The following VPS13D variants were observed in gnomAD, a reference collection of about 807,000 sequenced individuals.
VPS13D encodes vacuolar protein sorting 13 homolog D, also known as intermembrane lipid transfer protein VPS13D.
Under a neutral mutation model 461.9 loss-of-function variants are expected in VPS13D, and 187 were observed. The ratio of observed to expected loss-of-function variants is 0.40; its 90% CI spans 0.36 to 0.46. VPS13D has a LOEUF of 0.46. VPS13D is among the 20% of genes least tolerant of loss of function. VPS13D has a pLI of 0.60. For missense variants in VPS13D, 4,711 were observed against 5,364.9 expected, an observed-to-expected ratio of 0.88 and a Z score of 3.81; for synonymous variants, 1,951 against 1,986.3, an observed-to-expected ratio of 0.98 and a Z score of 0.47.
rs746562685 is a variant in VPS13D at position 12,508,922 on chromosome 1, C to T, written c.13065C>T (p.Val4355=). The part of the protein sequence containing the change: ...MVHVKSEVLA[V]KLSQEINYAK... ...ATGTGAAATCTGAGGTCCTTGCTGTCAAGTTGTCACAAGAAATAAACTACG... is the reference window on the plus strand; with the variant it reads ...ATGTGAAATCTGAGGTCCTTGCTGTTAAGTTGTCACAAGAAATAAACTACG... The change falls in exon 70 of 70, where the codon GTC becomes GTT. Residue 4355 remains valine, a synonymous_variant. Coordinates refer to ENST00000620676, the MANE Select transcript of VPS13D (RefSeq NM_015378.4). 9 of 1,614,162 alleles carry T rather than the reference C, an allele frequency of 5.6e-6. No individual in the cohort carries two copies. The South Asian group carries it at 9.9e-5, about 18-fold the overall frequency.
intron 21 of VPS13D, among the ~76,000 whole-genome samples, chr1:12,286,819 C>T (rs1488913640): frequency 1.3e-5 from 2 of 152,160 alleles, no homozygotes; most frequent in South Asian, 2.1e-4. Context: ...ACCCAGTGTA[C>T]ATGTTCTTTT....
At chr1:12,301,112 A>G (rs1642411658) in intron 25 of VPS13D, among the ~76,000 whole-genome samples, 1 of 152,232 alleles carries the variant, frequency 6.6e-6, no homozygotes, top group South Asian at 2.1e-4. Flanking sequence ...TGCTTATTAT[A>G]CATCAGCCAG....
At chr1:12,428,913 A>G (rs1002570299) in intron 65 of VPS13D, among the ~76,000 whole-genome samples, 1 of 152,224 alleles carries the variant, frequency 6.6e-6, no homozygotes, top group African/African-American at 2.4e-5. Context: ...TCCAGAGGAA[A>G]TAAGTATTGC....
chr1:12,296,490 C>A (rs568953495), intron 24 of VPS13D, among the ~76,000 whole-genome samples: 1 of 152,114 alleles, frequency 6.6e-6, no homozygotes, highest in Non-Finnish European at 1.5e-5. Flanking sequence ...TTTTTCCTAG[C>A]CTTTTTTAGA....
At position 12,299,262 on chromosome 1, in the gene VPS13D, G is replaced by A. The variant is rs749033141; in HGVS notation, c.6094G>A (p.Val2032Ile). Residue 2032 changes from valine to isoleucine, a missense_variant, in exon 25 of 70, where the codon GTT (valine) becomes ATT (isoleucine). Transcript: ENST00000620676. This position sits in a 1 kb window ranked among gnomAD's most constrained non-coding sequence, Gnocchi z 4.2. ...CCTGGATATTGAGGCTGGTGCTCCC[G>A]TTCTCTTGATCCCAGAAAGTTCCAG... ...VLLDIEAGAP[V>I]LLIPESSRSN... The A allele has an allele frequency of 8.1e-6, 13 of 1,613,738 alleles. No individual in the cohort carries two copies. Among genetic ancestry groups the A allele is most frequent in the Admixed American group, 6.7e-5 (4 of 59,858 alleles).
chr1:12,314,420 G>T, intron 30 of VPS13D, 93 bp downstream of exon 30: 1 of 1,220,060 alleles, frequency 8.2e-7, no homozygotes, highest in Non-Finnish European at 1.2e-6. Flanking sequence ...AAAAACCAAG[G>T]AATCACTAGA....
At chr1:12,242,071 TAA>T (rs539184850) in intron 2 of VPS13D, among the ~76,000 whole-genome samples, 4 of 142,910 alleles carry the variant, frequency 2.8e-5, no homozygotes, top group Non-Finnish European at 6.2e-5. Context: ...TAAAGGTTGA[TAA>T]AAAAAAAAAG....
chr1:12,344,507 G>C (rs987323199), intron 42 of VPS13D, among the ~76,000 whole-genome samples: 3 of 152,192 alleles, frequency 2.0e-5, no homozygotes, highest in African/African-American at 4.8e-5. Context: ...GGTCCCCACA[G>C]TTCTTGGAGA....
intron 60 of VPS13D, among the ~76,000 whole-genome samples, chr1:12,391,869 AT>A (rs1465989504): frequency 6.6e-6 from 1 of 151,638 alleles, no homozygotes; most frequent in Admixed American, 6.6e-5. Flanking sequence ...TTTTTTAAAT[AT>A]TTTTTTTGAG....
chr1:12,472,539 C>T (rs1204257946), intron 67 of VPS13D, among the ~76,000 whole-genome samples: 1 of 152,152 alleles, frequency 6.6e-6, no homozygotes, highest in Non-Finnish European at 1.5e-5. Context: ...TTGTGGCTTC[C>T]ACTCCCTCAA....
intron 46 of VPS13D, among the ~76,000 whole-genome samples, chr1:12,350,696 A>G (rs931617084): frequency 1.3e-5 from 2 of 152,198 alleles, no homozygotes; most frequent in Non-Finnish European, 2.9e-5. Context: ...ATTCAAAACA[A>G]ATAGGAAAAG....
At chr1:12,258,222 T>C in intron 10 of VPS13D, 119 bp downstream of exon 10, 2 of 1,268,854 alleles carry the variant, frequency 1.6e-6, no homozygotes, top group Non-Finnish European at 2.2e-6. Flanking sequence ...GGGCTAAATT[T>C]TATAGGATAG....
intron 65 of VPS13D, among the ~76,000 whole-genome samples, chr1:12,421,115 T>A (rs1269689748): frequency 6.6e-6 from 1 of 152,240 alleles, no homozygotes; most frequent in Non-Finnish European, 1.5e-5. Context: ...ATCTCAGTTA[T>A]TTCTCTTTGC....
At chr1:12,304,403 A>G (rs2101472752) in intron 25 of VPS13D, 103 bp from the exon 26 acceptor site, 1 of 1,055,878 alleles carries the variant, frequency 9.5e-7, no homozygotes, top group East Asian at 2.6e-5. Context: ...TGAAGACCCT[A>G]GGGACTGGGA....
intron 65 of VPS13D, among the ~76,000 whole-genome samples, chr1:12,452,873 G>C (rs1645280144): frequency 6.6e-6 from 1 of 152,238 alleles, no homozygotes; most frequent in African/African-American, 2.4e-5. Context: ...ATGGTTGACT[G>C]TTAACAAGTG....
At chr1:12,248,132 G>A (rs1640619511) in intron 5 of VPS13D, among the ~76,000 whole-genome samples, 1 of 151,698 alleles carries the variant, frequency 6.6e-6, no homozygotes, top group Non-Finnish European at 1.5e-5. Flanking sequence ...CAGGTGATCC[G>A]ACTGCCTCGG....
At chr1:12,382,298 C>A (rs1644293584) in intron 57 of VPS13D, among the ~76,000 whole-genome samples, 1 of 152,044 alleles carries the variant, frequency 6.6e-6, no homozygotes, top group Admixed American at 6.6e-5. Context: ...GATAGGGTTT[C>A]ACCATGTTGA....
chr1:12,248,819 T>C (rs1394858069), intron 5 of VPS13D, among the ~76,000 whole-genome samples: 1 of 152,146 alleles, frequency 6.6e-6, no homozygotes, highest in Non-Finnish European at 1.5e-5. Flanking sequence ...AGAGGAACAA[T>C]TGTCTGTATA....
intron 17 of VPS13D, among the ~76,000 whole-genome samples, chr1:12,271,669 AAAG>A (rs1371429632): frequency 3.3e-5 from 5 of 151,416 alleles, no homozygotes; most frequent in African/African-American, 1.2e-4. Flanking sequence ...ACTGTCTCAA[AAAG>A]AAGAAGAAAA....
Sources: gnomAD v4.1 joint callset for allele counts (sites outside exome capture counted in the v4.1 genomes callset) on GRCh38, gnomAD v4.1.1 for gene constraint, Gnocchi (gnomAD v3.1) non-coding constraint, MANE v1.5 for transcripts, NCBI Gene and HGNC (gene_info 2026-07-23, HGNC 2026-07-21) for gene names.